The following SETD3 variants were observed in gnomAD, a reference collection of about 807,000 sequenced individuals.
The protein encoded by SETD3 is actin-histidine N-methyltransferase.
A neutral mutation model predicts 63.0 loss-of-function variants in SETD3; 19 were observed. The ratio of observed to expected loss-of-function variants is 0.30; its 90% CI spans 0.21 to 0.44. The LOEUF is 0.44. Among genes scored for constraint, SETD3 ranks in the 20% least tolerant of loss-of-function variants. The pLI is 1.00. For synonymous variants in SETD3, 286 were observed against 264.1 expected (o/e 1.08, Z -0.80); for missense variants, 587 against 728.5 (o/e 0.81, Z 2.24).
intron 6 of SETD3, among the ~76,000 whole-genome samples, chr14:99,423,208 G>A (rs1397422963): frequency 2.0e-5 from 3 of 152,104 alleles, no homozygotes; most frequent in Non-Finnish European, 4.4e-5. Context: ...CAGTCACTGA[G>A]AAAGAGCTAT....
chr14:99,480,902 C>G (rs1002830006), upstream of SETD3: 1 of 152,140 alleles, frequency 6.6e-6, no homozygotes, highest in Non-Finnish European at 1.5e-5. Context: ...TCCTCCCGCC[C>G]CGGACCCCGC....
At chr14:99,413,224 C>T in intron 7 of SETD3, 159 bp from the exon 8 acceptor site, 1 of 588,584 alleles carries the variant, frequency 1.7e-6, no homozygotes, top group South Asian at 2.1e-5. Flanking sequence ...CATTTAAAAA[C>T]AAACCCAGGG....
At chr14:99,408,745 G>A (rs995256756) in intron 8 of SETD3, among the ~76,000 whole-genome samples, 1 of 152,190 alleles carries the variant, frequency 6.6e-6, no homozygotes, top group South Asian at 2.1e-4. Context: ...AATGTTTGGA[G>A]GCTGAGTGTC....
At chr14:99,454,126 C>A (rs1894619879) in intron 6 of SETD3, among the ~76,000 whole-genome samples, 1 of 152,014 alleles carries the variant, frequency 6.6e-6, no homozygotes, top group African/African-American at 2.4e-5. Context: ...TTATCATTTG[C>A]ATGAATTTTT....
intron 6 of SETD3, among the ~76,000 whole-genome samples, chr14:99,438,520 T>A (rs1376911894): frequency 6.6e-6 from 1 of 152,238 alleles, no homozygotes; most frequent in Non-Finnish European, 1.5e-5. Flanking sequence ...AGTAATGTCA[T>A]GTTATAAGCA....
chr14:99,463,677 T>A, intron 2 of SETD3, 99 bp from the exon 3 acceptor site: 1 of 943,592 alleles, frequency 1.1e-6, no homozygotes, highest in Non-Finnish European at 1.6e-6. Flanking sequence ...GTTGCTGTTC[T>A]GGGGTTGGTT....
At chr14:99,412,049 A>G (rs918978822) in intron 8 of SETD3, 20 of 152,352 alleles carry the variant, frequency 1.3e-4, no homozygotes, top group African/African-American at 4.8e-4. Context: ...TATTTATAAT[A>G]CTGCTAATAA....
At chr14:99,473,196 G>A (rs1419291336) in intron 1 of SETD3, among the ~76,000 whole-genome samples, 1 of 152,154 alleles carries the variant, frequency 6.6e-6, no homozygotes, top group African/African-American at 2.4e-5. Flanking sequence ...CACCACCTCT[G>A]CCAATCAAGC....
At position 99,398,063 on chromosome 14, in the gene SETD3, A is replaced by G. The variant is rs1049208507; in HGVS notation, c.*616T>C. ...CAAATCTTTAGAAATCACTATATAT[A>G]TGTGTGTTTATATATATATTTTTAT... On this transcript the variant is annotated 3_prime_UTR_variant, in exon 13 of 13. Transcript: ENST00000331768. The G allele has an allele frequency of 5.9e-5, 9 of 152,530 alleles. No individual in the cohort carries two copies. The highest frequency in any genetic ancestry group is 1.4e-4 in the African/African-American group (6 of 41,420). 9.4% of individuals were successfully genotyped at this position (152,530 alleles called of 1,614,324 possible).
At chr14:99,458,967 C>T (rs899464001) in intron 5 of SETD3, 146 bp downstream of exon 5, 16 of 554,476 alleles carry the variant, frequency 2.9e-5, no homozygotes, top group Middle Eastern at 8.7e-4. Flanking sequence ...TTTTTTATAA[C>T]ATTAAATGAA....
Position 99,406,590 on chromosome 14 carries a change from T to C in SETD3, c.850A>G (p.Ile284Val). The C allele has an allele frequency of 6.2e-7, 1 of 1,614,058 alleles. No homozygotes were observed. The highest frequency in any genetic ancestry group is 8.5e-7 in the Non-Finnish European group (1 of 1,179,966). The part of the protein sequence containing the change: ...WDMCNHTNGL[I>V]TTGYNLEDDR... ...TCTTCCAGGTTGTAACCAGTAGTGA[T>C]CTAGCCCGGGGAGGAGGAAGGAAAT... Residue 284 changes from isoleucine (I) to valine (V), a missense_variant and splice_region_variant, in exon 9 of 13, where the codon ATC (isoleucine) becomes GTC (valine). Transcript: ENST00000331768.
chr14:99,455,601 G>A (rs926167665), intron 6 of SETD3, among the ~76,000 whole-genome samples: 1 of 152,232 alleles, frequency 6.6e-6, no homozygotes, highest in African/African-American at 2.4e-5. Flanking sequence ...ACATTCATGA[G>A]AAAATGGTGA....
intron 6 of SETD3, among the ~76,000 whole-genome samples, chr14:99,431,492 A>G (rs1325159875): frequency 6.6e-6 from 1 of 151,852 alleles, no homozygotes; most frequent in Non-Finnish European, 1.5e-5. Context: ...CATTAGTAGG[A>G]ATTTTTTTTT....
intron 6 of SETD3, among the ~76,000 whole-genome samples, chr14:99,437,955 C>T (rs911984230): frequency 6.6e-6 from 1 of 152,228 alleles, no homozygotes; most frequent in Non-Finnish European, 1.5e-5. Flanking sequence ...AGCCAACCTC[C>T]TTCTGGTTCC....
rs117980490 is a variant in SETD3, at chr14:99,422,260, G to A, written c.676-8326C>T. On this transcript the variant is annotated intron_variant, in intron 6 of 12. Coordinates refer to ENST00000331768, the MANE Select transcript of SETD3 (RefSeq NM_032233.3). ...TTCTTCACTAGAATGATGCCACATC[G>A]ATGTCCCAACAATTTCCAATATTCC... Among the ~76,000 whole-genome samples the A allele has an allele frequency of 2.0e-4, 30 of 152,250 alleles. No individual in the cohort carries two copies. In the East Asian group the frequency reaches 4.0e-3, roughly 21 times the overall value.
intron 6 of SETD3, among the ~76,000 whole-genome samples, chr14:99,440,810 T>C (rs1017035501): frequency 5.0e-5 from 7 of 140,062 alleles, no homozygotes; most frequent in African/African-American, 1.6e-4. Flanking sequence ...TTTTGGAAAA[T>C]ACAGAAAGCA....
rs758208968 is a variant in SETD3 at position 99,406,538 on chromosome 14, T to C, written c.902A>G (p.Gln301Arg). 3 of 1,614,198 alleles carry C rather than the reference T, an allele frequency of 1.9e-6. No homozygotes were observed. Among genetic ancestry groups the C allele is most frequent in the Non-Finnish European group, 2.5e-6 (3 of 1,180,034 alleles). Residue 301 changes from glutamine to arginine, a missense_variant, in exon 9 of 13, where the codon CAG becomes CGG. Transcript: ENST00000331768. ...EDDRCECVALQDFRAGEQIYI... is the reference protein window; with the variant it reads ...EDDRCECVALRDFRAGEQIYI... ...CACCTGCTCTCCAGCCCGAAAATCC[T>C]GCAGAGCCACACACTCACAGCGGTC...
At chr14:99,411,157 A>T in intron 8 of SETD3, 1 of 152,206 alleles carries the variant, frequency 6.6e-6, no homozygotes, top group Non-Finnish European at 1.5e-5. Context: ...TGTCAGGAAC[A>T]TAACCACTGT....
In SETD3 at chr14:99,398,923, A is replaced by G. The variant is rs1476552295; in HGVS notation, c.1541T>C (p.Val514Ala). The change falls in exon 13 of 13, where the codon GTG becomes GCG. Residue 514 changes from valine (V) to alanine (A), a missense_variant. By Grantham distance (64) the Val-to-Ala change is moderately conservative. Coordinates refer to ENST00000331768, the MANE Select transcript of SETD3 (RefSeq NM_032233.3). ...GACCAGGGGGAGCCTCGAGTCCCCCACGCTGCTCTCCAACAGCCCAAGGTT... is the reference window on the plus strand; with the variant it reads ...GACCAGGGGGAGCCTCGAGTCCCCCGCGCTGCTCTCCAACAGCCCAAGGTT... ...ESNLGLLESS[V>A]GDSRLPLVLR... The G allele has an allele frequency of 1.9e-6, 3 of 1,614,014 alleles. No individual in the cohort carries two copies. In the South Asian group the frequency reaches 3.3e-5, roughly 18 times the overall value.
Sources: allele counts gnomAD v4.1 joint callset (sites outside exome capture counted in the v4.1 genomes callset), GRCh38; gene constraint gnomAD v4.1.1; transcripts MANE v1.5; gene names NCBI Gene and HGNC (gene_info 2026-07-23, HGNC 2026-07-21).